Variants in LHB observed in about 807,000 individuals in gnomAD.
The protein encoded by LHB is luteinizing hormone subunit beta.
Under a neutral mutation model 10.6 loss-of-function variants are expected in LHB, and 11 were observed. The ratio of observed to expected loss-of-function variants is 1.04; its 90% CI spans 0.66 to 1.72. The LOEUF is 1.72. Ranked by LOEUF, LHB falls within the 40% of genes most tolerant of loss-of-function variation. LHB has a pLI of 0.00. For synonymous variants in LHB, 86 were observed against 83.1 expected (o/e 1.03, Z -0.19); for missense variants, 184 against 197.3 (o/e 0.93, Z 0.41).
upstream of LHB, chr19:49,019,342 C>T (rs1368427945): frequency 3.4e-6 from 4 of 1,191,292 alleles, no homozygotes; most frequent in African/African-American, 3.2e-5. Flanking sequence ...TGAGCTGCAT[C>T]TTGGGCAGCA....
upstream of LHB, among the ~76,000 whole-genome samples, chr19:49,018,536 C>T (rs983611780): frequency 6.6e-6 from 1 of 152,080 alleles, no homozygotes; most frequent in Non-Finnish European, 1.5e-5. Flanking sequence ...ACTGAGCTTT[C>T]GCATCCTAGG....
chr19:49,016,214 G>C lies in LHB; in HGVS notation c.280C>G (p.Arg94Gly), dbSNP rs138562573. 1 of 1,612,522 alleles carries C rather than the reference G, an allele frequency of 6.2e-7. No individual in the cohort carries two copies. The highest frequency in any genetic ancestry group is 1.1e-5 in the South Asian group (1 of 91,012). ...FESIRLPGCP[R>G]GVDPVVSFPV... ...AAGGAGACCACGGGGTCCACACCAC[G>C]CGGGCAGCCAGGGAGCCGGATGGAC... Residue 94 changes from arginine (R) to glycine (G), a missense_variant, in exon 3 of 3, where the codon CGT becomes GGT. By Grantham distance (125) the Arg-to-Gly change is moderately radical (BLOSUM62 -2). Transcript: ENST00000649238.
rs1407987957 is a variant in LHB, at chr19:49,016,326, G to C, written c.184-16C>G. The stretch of plus-strand genomic sequence containing the variant: ...GCACGCGCATCTGGAGGCCGTGTGA[G>C]TGGGGGAATGAGCATGTGCCTGAGG... On this transcript the variant is annotated splice_polypyrimidine_tract_variant and intron_variant, in intron 2 of 2. Coordinates refer to ENST00000649238, the MANE Select transcript of LHB (RefSeq NM_000894.3). 1 of 1,609,418 alleles carries C rather than the reference G, an allele frequency of 6.2e-7. No homozygotes were observed. The highest frequency in any genetic ancestry group is 8.5e-7 in the Non-Finnish European group (1 of 1,179,724).
rs771999985 is a variant in LHB, at chr19:49,016,183, A to G, written c.311T>C (p.Val104Ala). The G allele has an allele frequency of 1.2e-5, 20 of 1,612,684 alleles. No individual in the cohort carries two copies. Among genetic ancestry groups the G allele is most frequent in the Non-Finnish European group, 1.7e-5 (20 of 1,179,990 alleles). ...GGGTCCACAGCGACAGCTGAGAGCC[A>G]CAGGGAAGGAGACCACGGGGTCCAC... ...RGVDPVVSFP[V>A]ALSCRCGPCR... is the part of the protein sequence containing the mutation. The change falls in exon 3 of 3, where the codon GTG becomes GCG. Residue 104 changes from valine to alanine, a missense_variant. Val to Ala is a moderately conservative substitution (Grantham distance 64). Coordinates refer to ENST00000649238, the MANE Select transcript of LHB (RefSeq NM_000894.3).
chr19:49,019,251 T>C, upstream of LHB: 1 of 1,315,032 alleles, frequency 7.6e-7, no homozygotes, highest in Non-Finnish European at 9.7e-7. Context: ...TTCAAGGAAC[T>C]CAAACCCAAG....
rs746167425 is a variant in LHB at position 49,016,665 on chromosome 19, C to T, written c.65G>A (p.Arg22Lys). The change falls in exon 2 of 3, where the codon AGG becomes AAG. Residue 22 changes from arginine to lysine, a missense_variant. Coordinates refer to ENST00000649238, the MANE Select transcript of LHB (RefSeq NM_000894.3). Reference sequence around the variant, plus strand: ...GTGGCACCATGGCCGAAGCGGCTCCCTGGATGCCCATGCCCCGCCCATGCT... The same window carrying T: ...GTGGCACCATGGCCGAAGCGGCTCCTTGGATGCCCATGCCCCGCCCATGCT... ...LLSMGGAWASREPLRPWCHPI... is the reference protein window; with the variant it reads ...LLSMGGAWASKEPLRPWCHPI... 3.7e-6 allele frequency: 6 copies of T among 1,612,026 alleles called. No individual in the cohort carries two copies. Among genetic ancestry groups the T allele is most frequent in the East Asian group, 4.5e-5 (2 of 44,898 alleles).
At chr19:49,019,061 C>A (rs1321790253), upstream of LHB, 8 of 1,470,860 alleles carry the variant, frequency 5.4e-6, no homozygotes, top group Non-Finnish European at 7.2e-6. Context: ...CATCCCAAGC[C>A]CTGGGTCCCG....
At chr19:49,018,908 C>G (rs2039596969), upstream of LHB, 1 of 1,534,384 alleles carries the variant, frequency 6.5e-7, no homozygotes, top group African/African-American at 1.4e-5. Flanking sequence ...CCGAGGTGGT[C>G]AGATAGAGCT....
chr19:49,017,472 G>A, upstream of LHB: 1 of 1,153,648 alleles, frequency 8.7e-7, no homozygotes, highest in Non-Finnish European at 1.1e-6. Context: ...TCCACTTGAG[G>A]CTTTCCTGCA....
upstream of LHB, among the ~76,000 whole-genome samples, chr19:49,018,611 C>T (rs186638125): frequency 3.7e-3 from 565 of 152,172 alleles, 4 homozygotes; most frequent in African/African-American, 0.013. Context: ...CCGAAGGAGG[C>T]CCTGCCCTCA....
chr19:49,017,004 C>T, intron 1 of LHB, 63 bp downstream of exon 1: 1 of 1,612,850 alleles, frequency 6.2e-7, no homozygotes, highest in Non-Finnish European at 8.5e-7. Context: ...CGGGTCTGCC[C>T]CTTCTCATGC....
chr19:49,018,999 G>A (rs2039598157), upstream of LHB: 1 of 1,532,542 alleles, frequency 6.5e-7, no homozygotes, highest in Non-Finnish European at 8.7e-7. Context: ...GGCAATTAGA[G>A]CCTGAGCAAG....
rs2039557141 is a variant in LHB at position 49,016,539 on chromosome 19, C to A, written c.183+8G>T. 1 of 1,605,248 alleles carries A rather than the reference C, an allele frequency of 6.2e-7. No homozygotes were observed. The highest frequency in any genetic ancestry group is 8.5e-7 in the Non-Finnish European group (1 of 1,178,838). On this transcript the variant is annotated splice_region_variant and intron_variant, in intron 2 of 2. Coordinates refer to ENST00000649238, the MANE Select transcript of LHB (RefSeq NM_000894.3). Reference sequence around the variant, plus strand: ...GGCAGCATCTGCCCCTGGCCCCAGGCAGCTCACCATGGTGGGGCAGTAGCC... The same window carrying A: ...GGCAGCATCTGCCCCTGGCCCCAGGAAGCTCACCATGGTGGGGCAGTAGCC...
At chr19:49,017,490 C>G, upstream of LHB, 1 of 1,143,172 alleles carries the variant, frequency 8.7e-7, no homozygotes, top group South Asian at 2.4e-5. Context: ...GCACCACAGT[C>G]CAACCTAACA....
rs1167086712 is a variant in LHB, at chr19:49,016,169, G to A, written c.325C>T (p.Arg109Cys). ...VVSFPVALSC[R>C]CGPCRRSTSD... ...GTGCTGCGGCGGCAGGGTCCACAGC[G>A]ACAGCTGAGAGCCACAGGGAAGGAG... Residue 109 changes from arginine (R) to cysteine (C), a missense_variant, in exon 3 of 3, where the codon CGC (arginine) becomes TGC (cysteine). Physicochemically the swap from Arg to Cys is radical, Grantham distance 180 (BLOSUM62 -3). Transcript: ENST00000649238. 1.2e-5 allele frequency: 20 copies of A among 1,612,562 alleles called. No individual in the cohort carries two copies. The highest frequency in any genetic ancestry group is 2.2e-5 in the East Asian group (1 of 44,894).
At chr19:49,016,445 C>A in intron 2 of LHB, 102 bp downstream of exon 2, 3 of 1,602,062 alleles carry the variant, frequency 1.9e-6, no homozygotes, top group Non-Finnish European at 1.7e-6. Context: ...CACCCCATTC[C>A]CCAACCGCAG....
chr19:49,018,383 T>G, upstream of LHB: 1 of 1,155,304 alleles, frequency 8.7e-7, no homozygotes, highest in Non-Finnish European at 1.1e-6. Flanking sequence ...GCTGGATCCT[T>G]GGGGACGAGT....
In LHB at chr19:49,016,098, G is replaced by C; in HGVS notation, c.396C>G (p.His132Gln). The C allele has an allele frequency of 6.2e-7, 1 of 1,613,120 alleles. No homozygotes were observed. ...GGAAGAGGAGGCCTGAGAGTTGGGG[G>C]TGGTCACAGGTCAAGGGGTGGTCTT... ...GPKDHPLTCDHPQLSGLLFL is the reference protein window; with the variant it reads ...GPKDHPLTCDQPQLSGLLFL Residue 132 changes from histidine (H) to glutamine (Q), a missense_variant, in exon 3 of 3, where the codon CAC becomes CAG. Transcript: ENST00000649238.
At chr19:49,019,125 C>T, upstream of LHB, 1 of 1,430,756 alleles carries the variant, frequency 7.0e-7, no homozygotes, top group Non-Finnish European at 9.1e-7. Context: ...ACGGCCCTCA[C>T]ACCCCGCCCC....
Sources: gnomAD v4.1 joint callset for allele counts (sites outside exome capture counted in the v4.1 genomes callset) on GRCh38, gnomAD v4.1.1 for gene constraint, MANE v1.5 for transcripts, NCBI Gene and HGNC (gene_info 2026-07-23, HGNC 2026-07-21) for gene names.